The following AMPH variants were observed in gnomAD, a reference collection of about 807,000 sequenced individuals.
The protein encoded by AMPH is amphiphysin, also known as amphiphysin (Stiff-Mann syndrome with breast cancer 128kD autoantigen).
AMPH carries 49 observed loss-of-function variants against 99.1 expected under a neutral mutation model. The ratio of observed to expected loss-of-function variants is 0.49; its 90% CI spans 0.39 to 0.63. The LOEUF (loss-of-function observed/expected upper bound fraction) is 0.63, where lower values mean the gene tolerates loss of function less well. Among genes scored for constraint, AMPH ranks in the 20% least tolerant of loss-of-function variants. The pLI, the probability that AMPH is intolerant of heterozygous loss-of-function variation, is 0.00. For synonymous variants in AMPH, 314 were observed against 317.3 expected (o/e 0.99, Z 0.11); for missense variants, 759 against 863.4 (o/e 0.88, Z 1.52).
intron 1 of AMPH, among the ~76,000 whole-genome samples, chr7:38,571,302 T>TATATATATTTATATATAGAA (rs1792003476): frequency 1.4e-5 from 1 of 71,354 alleles, no homozygotes; most frequent in African/African-American, 4.9e-5. Context: ...TATATATGAA[T>TATATATATTTATATATAGAA]ATATATATTT....
At chr7:38,483,787 A>G (rs1311082160) in intron 5 of AMPH, among the ~76,000 whole-genome samples, 3 of 152,178 alleles carry the variant, frequency 2.0e-5, no homozygotes, top group Non-Finnish European at 2.9e-5. Flanking sequence ...TCAAACAAAG[A>G]AACAAAATAA....
chr7:38,589,256 G>T (rs1170473661), intron 1 of AMPH, among the ~76,000 whole-genome samples: 1 of 152,166 alleles, frequency 6.6e-6, no homozygotes, highest in Non-Finnish European at 1.5e-5. Flanking sequence ...TAGAATAAAT[G>T]AATATGGTCA....
At position 38,622,924 on chromosome 7, in the gene AMPH, T is replaced by G. The variant is rs1794122578; in HGVS notation, c.69+8359A>C. 1.3e-5 allele frequency among the ~76,000 whole-genome samples: 2 copies of G among 152,122 alleles called. 1 individual carries two copies. The highest frequency in any genetic ancestry group is 4.1e-4 in the South Asian group (2 of 4,820). On this transcript the variant is annotated intron_variant, in intron 1 of 20. Coordinates refer to ENST00000356264, the MANE Select transcript of AMPH (RefSeq NM_001635.4). The stretch of plus-strand genomic sequence containing the variant: ...CTGCCTCCACCCTAAGACCCACTGG[T>G]GAGGGCACCGTACTGTGCTCTTGTT...
At position 38,594,289 on chromosome 7, in the gene AMPH, C is replaced by G. The variant is rs1792969917; in HGVS notation, c.69+36994G>C. 2.0e-5 allele frequency among the ~76,000 whole-genome samples: 3 copies of G among 152,182 alleles called. No individual in the cohort carries two copies. In the South Asian group the frequency reaches 6.2e-4, roughly 31 times the overall value. On this transcript the variant is annotated intron_variant, in intron 1 of 20. Coordinates refer to ENST00000356264, the MANE Select transcript of AMPH (RefSeq NM_001635.4). ...TCTGCGAGGTCCATATTACAAGATA[C>G]ATGAATGATCCCAGTGAATTCCAAG...
intron 1 of AMPH, among the ~76,000 whole-genome samples, chr7:38,630,999 G>A (rs1200450710): frequency 6.6e-6 from 1 of 152,188 alleles, no homozygotes; most frequent in East Asian, 1.9e-4. Context: ...CAGGAGAGCG[G>A]CAACCCGGGG....
intron 15 of AMPH, 70 bp downstream of exon 15, chr7:38,426,884 A>G: frequency 6.8e-7 from 1 of 1,476,010 alleles, no homozygotes; most frequent in South Asian, 1.2e-5. Flanking sequence ...GGCACAGAGA[A>G]CCAAACCACA....
In AMPH at chr7:38,577,482, G is replaced by A. The variant is rs185398465; in HGVS notation, c.70-42471C>T. Among the ~76,000 whole-genome samples, 5 of 152,286 alleles carry A rather than the reference G, an allele frequency of 3.3e-5. No homozygotes were observed. The South Asian group carries it at 6.2e-4, about 19-fold the overall frequency. On this transcript the variant is annotated intron_variant, in intron 1 of 20. Coordinates refer to ENST00000356264, the MANE Select transcript of AMPH (RefSeq NM_001635.4). ...TTATTCCCTTGCGAGTTTGATTAGC[G>A]TAAGTTGACTGCAAAGAATTCTGGA...
intron 4 of AMPH, 110 bp from the exon 5 acceptor site, chr7:38,491,255 A>G: frequency 4.1e-6 from 3 of 724,950 alleles, no homozygotes; most frequent in Non-Finnish European, 6.9e-6. Context: ...TTTCCCAGAT[A>G]TGAGATGCTA....
chr7:38,495,254 A>G (rs1416312490), intron 3 of AMPH, among the ~76,000 whole-genome samples: 1 of 152,230 alleles, frequency 6.6e-6, no homozygotes, highest in Non-Finnish European at 1.5e-5. Context: ...CAGACACATC[A>G]CAAAACTTCT....
intron 14 of AMPH, 151 bp downstream of exon 14, chr7:38,429,691 C>T: frequency 1.6e-6 from 2 of 1,279,004 alleles, no homozygotes; most frequent in South Asian, 1.4e-5. Flanking sequence ...ACCAGTAAAA[C>T]CAAACTGGAA....
intron 5 of AMPH, among the ~76,000 whole-genome samples, chr7:38,479,436 G>C (rs1000074057): frequency 1.3e-5 from 2 of 151,888 alleles, no homozygotes; most frequent in African/African-American, 4.8e-5. Context: ...ATATGAAGTG[G>C]AGCTACACAG....
chr7:38,473,082 T>C (rs1787944265), intron 7 of AMPH, among the ~76,000 whole-genome samples: 1 of 152,202 alleles, frequency 6.6e-6, no homozygotes, highest in South Asian at 2.1e-4. Context: ...TCTGGCAATT[T>C]CCCCAAAGTT....
intron 2 of AMPH, among the ~76,000 whole-genome samples, chr7:38,526,122 T>C (rs755483054): frequency 6.6e-5 from 10 of 152,194 alleles, no homozygotes; most frequent in Non-Finnish European, 1.5e-4. Context: ...CTAGTTTTTA[T>C]TTTAGCCATC....
At chr7:38,489,118 C>G (rs181321415) in intron 5 of AMPH, among the ~76,000 whole-genome samples, 1 of 152,108 alleles carries the variant, frequency 6.6e-6, no homozygotes, top group African/African-American at 2.4e-5. Flanking sequence ...GTAATTAAAA[C>G]AGCATTGTCC....
chr7:38,599,677 A>G (rs1473101360), intron 1 of AMPH, among the ~76,000 whole-genome samples: 1 of 152,120 alleles, frequency 6.6e-6, no homozygotes, highest in Non-Finnish European at 1.5e-5. Flanking sequence ...ATATCTACAT[A>G]TTACATCTAC....
intron 5 of AMPH, among the ~76,000 whole-genome samples, chr7:38,480,509 T>C (rs1449659922): frequency 6.6e-6 from 1 of 152,162 alleles, no homozygotes; most frequent in Non-Finnish European, 1.5e-5. Context: ...CCTGTCACTC[T>C]ATGCTATTCT....
intron 17 of AMPH, among the ~76,000 whole-genome samples, chr7:38,401,594 GT>G: frequency 6.6e-6 from 1 of 152,270 alleles, no homozygotes; most frequent in South Asian, 2.1e-4. Context: ...GTGTTTCTTT[GT>G]GCTCAAAATT....
At chr7:38,402,388 T>C (rs1784863705) in intron 17 of AMPH, among the ~76,000 whole-genome samples, 1 of 152,230 alleles carries the variant, frequency 6.6e-6, no homozygotes, top group Non-Finnish European at 1.5e-5. Flanking sequence ...TATTGCTCTA[T>C]AGGTGTTTGC....
intron 15 of AMPH, among the ~76,000 whole-genome samples, chr7:38,424,128 T>C (rs1785695612): frequency 6.6e-6 from 1 of 151,982 alleles, no homozygotes; most frequent in African/African-American, 2.4e-5. Context: ...GGAAAAAAAA[T>C]GCCTAAAGAA....
Sources: gnomAD v4.1 joint callset for allele counts (sites outside exome capture counted in the v4.1 genomes callset) on GRCh38, gnomAD v4.1.1 for gene constraint, MANE v1.5 for transcripts, NCBI Gene and HGNC (gene_info 2026-07-23, HGNC 2026-07-21) for gene names.